The following PHF24 variants were observed in gnomAD, a reference collection of about 807,000 sequenced individuals.
The protein encoded by PHF24 is Galpha inhibitory interacting protein.
PHF24 carries 25 observed loss-of-function variants against 42.6 expected under a neutral mutation model. The observed-to-expected ratio is 0.59, with a 90% CI of 0.43 to 0.82. The LOEUF (loss-of-function observed/expected upper bound fraction) is 0.82. Among genes scored for constraint, PHF24 ranks in the 40% least tolerant of loss-of-function variants. The pLI, the probability that PHF24 is intolerant of heterozygous loss-of-function variation, is 0.00. For missense variants in PHF24, 470 were observed against 538.1 expected (o/e 0.87, Z 1.25); for synonymous variants, 185 against 204.8 (o/e 0.90, Z 0.83).
chr9:34,762,268 C>T, the PHF24 span, among the ~76,000 whole-genome samples: 1 of 148,642 alleles, frequency 6.7e-6, no homozygotes, highest in Non-Finnish European at 1.5e-5. Context: ...TGAGGAATCA[C>T]CACACTGACT....
At chr9:34,854,838 T>A in the PHF24 span, among the ~76,000 whole-genome samples, 3 of 152,178 alleles carry the variant, frequency 2.0e-5, no homozygotes, top group African/African-American at 7.2e-5. Flanking sequence ...CTTTGTTAAT[T>A]TTCTGTCTTG....
the PHF24 span, among the ~76,000 whole-genome samples, chr9:34,686,280 A>G: frequency 6.6e-6 from 1 of 152,158 alleles, no homozygotes; most frequent in Non-Finnish European, 1.5e-5. Context: ...GTAGCCTAGA[A>G]GGAGGGAGTG....
the PHF24 span, among the ~76,000 whole-genome samples, chr9:34,848,633 C>T: frequency 6.6e-6 from 1 of 151,184 alleles, no homozygotes; most frequent in Admixed American, 6.6e-5. Context: ...TATTTCTTGC[C>T]TTCTGCTAGC....
chr9:34,835,635 A>G, the PHF24 span: 1 of 1,551,616 alleles, frequency 6.4e-7, no homozygotes, highest in Non-Finnish European at 8.7e-7. Context: ...CAAGCCTTGA[A>G]GAAGCTATGG....
At chr9:34,930,822 G>A in the PHF24 span, among the ~76,000 whole-genome samples, 2 of 152,150 alleles carry the variant, frequency 1.3e-5, no homozygotes, top group African/African-American at 4.8e-5. Context: ...TTGTTTCAGT[G>A]TCTGAAGGGT....
chr9:34,851,181 T>G, the PHF24 span, among the ~76,000 whole-genome samples: 1 of 152,150 alleles, frequency 6.6e-6, no homozygotes, highest in Non-Finnish European at 1.5e-5. Context: ...GTCTTTTTGT[T>G]TGTCTGTGCC....
At chr9:34,783,326 C>T in the PHF24 span, among the ~76,000 whole-genome samples, 299 of 152,264 alleles carry the variant, frequency 2.0e-3, 1 homozygote, top group African/African-American at 6.8e-3. Flanking sequence ...CTCTCTTCTC[C>T]GGACTCTTAA....
At chr9:34,799,938 A>T in the PHF24 span, among the ~76,000 whole-genome samples, 2 of 152,168 alleles carry the variant, frequency 1.3e-5, no homozygotes, top group Non-Finnish European at 2.9e-5. Context: ...AATAATGTGT[A>T]CACATTGACA....
the PHF24 span, among the ~76,000 whole-genome samples, chr9:34,816,823 C>T: frequency 6.6e-6 from 1 of 152,240 alleles, no homozygotes; most frequent in Non-Finnish European, 1.5e-5. Context: ...CTATCCATCG[C>T]TAGACCTCCC....
At chr9:34,922,996 G>T in the PHF24 span, 1 of 844,460 alleles carries the variant, frequency 1.2e-6, no homozygotes, top group Non-Finnish European at 1.7e-6. Flanking sequence ...GGTGCTGCTG[G>T]GCCGGGCCTG....
the PHF24 span, among the ~76,000 whole-genome samples, chr9:34,742,778 A>G: frequency 2.8e-3 from 428 of 152,188 alleles, 1 homozygote; most frequent in African/African-American, 8.8e-3. Context: ...CACTTTATTT[A>G]TACAACTTTG....
the PHF24 span, among the ~76,000 whole-genome samples, chr9:34,941,799 C>G: frequency 6.6e-6 from 1 of 152,152 alleles, no homozygotes; most frequent in African/African-American, 2.4e-5. Flanking sequence ...TAATCCCATT[C>G]ATTTCTACCC....
At chr9:34,755,114 A>G in the PHF24 span, among the ~76,000 whole-genome samples, 1 of 152,112 alleles carries the variant, frequency 6.6e-6, no homozygotes, top group African/African-American at 2.4e-5. Flanking sequence ...AAAAAAATAG[A>G]AGGAATGAAT....
the PHF24 span, among the ~76,000 whole-genome samples, chr9:34,756,035 G>GT: frequency 2.0e-5 from 3 of 151,944 alleles, no homozygotes; most frequent in South Asian, 2.1e-4. Context: ...TTTCTCTTAT[G>GT]TTTTTTTCTG....
At chr9:34,763,736 T>C in the PHF24 span, among the ~76,000 whole-genome samples, 1 of 152,062 alleles carries the variant, frequency 6.6e-6, no homozygotes, top group Non-Finnish European at 1.5e-5. Context: ...AACACTATGT[T>C]GAATAGGAGT....
chr9:34,810,205 C>A, the PHF24 span, among the ~76,000 whole-genome samples: 1 of 152,068 alleles, frequency 6.6e-6, no homozygotes, highest in Non-Finnish European at 1.5e-5. Flanking sequence ...ACCTGAGGGG[C>A]GGGTTTGTGG....
the PHF24 span, among the ~76,000 whole-genome samples, chr9:34,915,531 G>C: frequency 7.4e-5 from 11 of 148,706 alleles, no homozygotes; most frequent in South Asian, 4.4e-4. Flanking sequence ...ATCAAAGCTA[G>C]AAATGCCAAG....
chr9:34,755,507 T>C, the PHF24 span, among the ~76,000 whole-genome samples: 2 of 152,118 alleles, frequency 1.3e-5, no homozygotes, highest in Non-Finnish European at 2.9e-5. Context: ...TTTTGTATAT[T>C]TGTTGTATAT....
the PHF24 span, among the ~76,000 whole-genome samples, chr9:34,743,732 G>A: frequency 6.6e-6 from 1 of 152,116 alleles, no homozygotes. Context: ...TTCTCCTTTT[G>A]GAGATGGTTG....
Sources: gnomAD v4.1 joint callset for allele counts (sites outside exome capture counted in the v4.1 genomes callset) on GRCh38, gnomAD v4.1.1 for gene constraint, MANE v1.5 for transcripts, NCBI Gene and HGNC (gene_info 2026-07-23, HGNC 2026-07-21) for gene names.